PCSK6: variants seen among roughly 807,000 people sequenced by gnomAD.
The protein encoded by PCSK6 is proprotein convertase subtilisin/kexin type 6.
PCSK6 carries 85 observed loss-of-function variants against 123.3 expected under a neutral mutation model. The observed-to-expected ratio is 0.69, with a 90% CI of 0.58 to 0.83. The LOEUF (loss-of-function observed/expected upper bound fraction) is 0.83, where lower values mean the gene tolerates loss of function less well. Ranked by LOEUF, PCSK6 falls within the 40% of genes least tolerant of loss-of-function variation. The probability of loss-of-function intolerance (pLI) is 0.00; values close to 1 mark genes in which losing one functional copy is unlikely to be tolerated. For missense variants in PCSK6, 1,191 were observed against 1,282.3 expected, an observed-to-expected ratio of 0.93 and a Z score of 1.09; for synonymous variants, 508 against 516.0, an observed-to-expected ratio of 0.98 and a Z score of 0.21.
At chr15:101,385,643 T>C (rs1489622437) in intron 9 of PCSK6, among the ~76,000 whole-genome samples, 2 of 152,258 alleles carry the variant, frequency 1.3e-5, no homozygotes, top group African/African-American at 4.8e-5. Flanking sequence ...ATACTATCTG[T>C]ACACAGAGAA....
intron 2 of PCSK6, among the ~76,000 whole-genome samples, chr15:101,437,052 G>A (rs1056591836): frequency 3.3e-5 from 5 of 152,238 alleles, no homozygotes; most frequent in East Asian, 1.9e-4. Flanking sequence ...AAATGGTGCC[G>A]GCATGAGCAT....
At chr15:101,331,571 C>T (rs956516026) in intron 15 of PCSK6, 80 bp downstream of exon 15, 31 of 1,344,318 alleles carry the variant, frequency 2.3e-5, no homozygotes, top group Admixed American at 3.7e-5. Flanking sequence ...GGGGCAAGAC[C>T]CCATTCTGGT....
intron 9 of PCSK6, among the ~76,000 whole-genome samples, chr15:101,386,326 C>T (rs148787938): frequency 6.6e-6 from 1 of 152,178 alleles, no homozygotes; most frequent in Non-Finnish European, 1.5e-5. Flanking sequence ...AGGCGTCTCT[C>T]CAGTGGCCCA....
intron 1 of PCSK6, among the ~76,000 whole-genome samples, chr15:101,465,714 G>C (rs1000990496): frequency 1.2e-4 from 18 of 152,162 alleles, no homozygotes; most frequent in Admixed American, 7.9e-4. Context: ...AATGATCTAA[G>C]GCACCTGAAC....
At chr15:101,307,100 C>CGCCT in intron 21 of PCSK6, 113 bp downstream of exon 21, 3 of 719,322 alleles carry the variant, frequency 4.2e-6, no homozygotes, top group African/African-American at 1.7e-5. Context: ...GGGGCACGAA[C>CGCCT]GCCTGTCTGT....
At chr15:101,349,347 T>C (rs2040832312) in intron 13 of PCSK6, among the ~76,000 whole-genome samples, 1 of 152,120 alleles carries the variant, frequency 6.6e-6, no homozygotes. Flanking sequence ...ACCTGCTGAG[T>C]TCAAAAGTCA....
chr15:101,420,467 C>T (rs1228217111), intron 6 of PCSK6, among the ~76,000 whole-genome samples: 2 of 151,920 alleles, frequency 1.3e-5, no homozygotes, highest in African/African-American at 2.4e-5. Flanking sequence ...CTTATGTGGT[C>T]CTCTCACCTC....
chr15:101,390,009 CCT>C (rs1209856686), intron 8 of PCSK6, among the ~76,000 whole-genome samples: 1 of 152,204 alleles, frequency 6.6e-6, no homozygotes, highest in Non-Finnish European at 1.5e-5. Flanking sequence ...TAAGTCACCC[CCT>C]GACTTCAGAG....
At position 101,346,964 on chromosome 15, in the gene PCSK6, C is replaced by G. The variant is rs562180252; in HGVS notation, c.1859-14933G>C. ...TGGGGAAAGGCGTCACTGTCACGGC[C>G]CCGTGAAAGAGAAAAGGAGGTAAAG... is the stretch of plus-strand genomic sequence containing the variant. On this transcript the variant is annotated intron_variant, in intron 13 of 21. Coordinates refer to ENST00000611716, the MANE Select transcript of PCSK6 (RefSeq NM_002570.5). The G allele has an allele frequency of 1.5e-5, 19 of 1,231,360 alleles. No individual in the cohort carries two copies. In the East Asian group the frequency reaches 5.4e-4, roughly 35 times the overall value. 76.3% of individuals were successfully genotyped at this position (1,231,360 alleles called of 1,614,324 possible).
intron 1 of PCSK6, among the ~76,000 whole-genome samples, chr15:101,487,270 C>A (rs74035532): frequency 6.6e-6 from 1 of 152,254 alleles, no homozygotes; most frequent in Non-Finnish European, 1.5e-5. Context: ...TGAATGTCAC[C>A]GCAGTGCCAC....
At chr15:101,310,196 G>C (rs1384821842) in intron 20 of PCSK6, among the ~76,000 whole-genome samples, 1 of 152,214 alleles carries the variant, frequency 6.6e-6, no homozygotes, top group African/African-American at 2.4e-5. Flanking sequence ...CTTCCTGGGG[G>C]GTGCTTCTCC....
At chr15:101,330,259 G>C (rs1246741949) in intron 15 of PCSK6, among the ~76,000 whole-genome samples, 1 of 152,166 alleles carries the variant, frequency 6.6e-6, no homozygotes. Flanking sequence ...GCTGTCCTGG[G>C]ACCCTGGCCA....
intron 1 of PCSK6, among the ~76,000 whole-genome samples, chr15:101,460,591 A>G (rs2141204685): frequency 6.6e-6 from 1 of 152,358 alleles, no homozygotes; most frequent in East Asian, 1.9e-4. Context: ...ACAACAGAGA[A>G]TAACATTTCT....
intron 13 of PCSK6, among the ~76,000 whole-genome samples, chr15:101,356,554 C>T (rs753378928): frequency 1.1e-3 from 160 of 150,538 alleles, no homozygotes; most frequent in Non-Finnish European, 1.8e-3. Flanking sequence ...GTGGCAGATG[C>T]CTGTAATCCC....
intron 11 of PCSK6, among the ~76,000 whole-genome samples, chr15:101,374,450 T>C (rs530471178): frequency 1.3e-5 from 2 of 152,316 alleles, no homozygotes; most frequent in South Asian, 4.1e-4. Flanking sequence ...TCAGTATTTC[T>C]CACTCCCTCC....
intron 2 of PCSK6, among the ~76,000 whole-genome samples, chr15:101,435,086 C>G (rs1050958915): frequency 2.0e-5 from 3 of 152,170 alleles, no homozygotes; most frequent in South Asian, 2.1e-4. Flanking sequence ...GTGCCTCCCC[C>G]TCCCATCCCC....
At chr15:101,449,017 G>T (rs1047200917) in intron 1 of PCSK6, among the ~76,000 whole-genome samples, 1 of 152,108 alleles carries the variant, frequency 6.6e-6, no homozygotes, top group African/African-American at 2.4e-5. Context: ...GTGTGTGTGT[G>T]TGCATATGTA....
chr15:101,380,561 C>T (rs939918238), intron 11 of PCSK6, among the ~76,000 whole-genome samples: 4 of 152,256 alleles, frequency 2.6e-5, no homozygotes, highest in African/African-American at 9.6e-5. Flanking sequence ...AAGACTGAGG[C>T]TTGTCAGGTG....
At chr15:101,452,928 T>A (rs1291313315) in intron 1 of PCSK6, among the ~76,000 whole-genome samples, 1 of 152,236 alleles carries the variant, frequency 6.6e-6, no homozygotes, top group East Asian at 1.9e-4. Flanking sequence ...CCAGGTTCTC[T>A]GCGCTGGGTC....
Sources: allele counts gnomAD v4.1 joint callset (sites outside exome capture counted in the v4.1 genomes callset), GRCh38; gene constraint gnomAD v4.1.1; transcripts MANE v1.5; gene names NCBI Gene and HGNC (gene_info 2026-07-23, HGNC 2026-07-21).